Variants in MAPT observed in about 807,000 individuals in gnomAD.
MAPT encodes microtubule associated protein tau, also known as microtubule-associated protein tau.
A neutral mutation model predicts 67.9 loss-of-function variants in MAPT; 34 were observed. That is an observed-to-expected ratio of 0.50 (90% CI 0.38 to 0.67). The LOEUF (loss-of-function observed/expected upper bound fraction) is 0.67. MAPT is among the 30% of genes least tolerant of loss of function. The pLI is 0.00. For missense variants in MAPT, 881 were observed against 1,115.2 expected (o/e 0.79, Z 2.99); for synonymous variants, 456 against 464.5 (o/e 0.98, Z 0.23).
chr17:45,965,690 G>A (rs867766717), intron 2 of MAPT, among the ~76,000 whole-genome samples: 2 of 151,250 alleles, frequency 1.3e-5, no homozygotes, highest in African/African-American at 2.4e-5. Context: ...TGCTGGGATT[G>A]CAGGCATGAG....
chr17:45,978,480 G>C (rs186666934), intron 4 of MAPT, 40 bp downstream of exon 4: 41 of 1,528,140 alleles, frequency 2.7e-5, no homozygotes, highest in South Asian at 1.7e-4. Context: ...TTGGGGGTTG[G>C]GGGGAGGGAC....
chr17:45,957,738 A>G (rs549075725), intron 1 of MAPT, among the ~76,000 whole-genome samples: 1 of 152,234 alleles, frequency 6.6e-6, no homozygotes, highest in Non-Finnish European at 1.5e-5. Context: ...AAAAAAATGG[A>G]AAAACATACT....
intron 1 of MAPT, chr17:45,907,842 G>A (rs2064434172): frequency 6.6e-6 from 1 of 152,320 alleles, no homozygotes; most frequent in South Asian, 2.1e-4. Context: ...CCGAGGTGGG[G>A]ATTATTATCC....
chr17:45,920,225 C>T (rs969207619), intron 1 of MAPT, among the ~76,000 whole-genome samples: 1 of 152,170 alleles, frequency 6.6e-6, no homozygotes, highest in African/African-American at 2.4e-5. Context: ...TGGTTTCCCC[C>T]GAGCCCTCTG....
intron 1 of MAPT, among the ~76,000 whole-genome samples, chr17:45,935,353 G>A (rs915001669): frequency 5.9e-5 from 9 of 151,776 alleles, no homozygotes; most frequent in Non-Finnish European, 8.8e-5. Flanking sequence ...TGGCCTCTTC[G>A]CAGCTTCATT....
Position 45,896,781 on chromosome 17 carries a change from C to T in MAPT, c.-18+2095C>T, listed in dbSNP as rs3785878. 32,231 of 152,330 alleles carry T rather than the reference C, an allele frequency of 0.21. 3,636 individuals carry two copies. The highest frequency in any genetic ancestry group is 0.33 in the South Asian group (1,606 of 4,836). 9.4% of individuals were successfully genotyped at this position (152,330 alleles called of 1,614,324 possible). ...TTATTTATCTTAAATAAATTTCACC[C>T]GTGTCCAAGTTCACCGCGCCCCCAA... On this transcript the variant is annotated intron_variant, in intron 1 of 12. Transcript: ENST00000262410. The surrounding 1 kb of genome is among the most constrained non-coding windows in gnomAD (Gnocchi z 5.6).
intron 1 of MAPT, among the ~76,000 whole-genome samples, chr17:45,918,602 A>G (rs1451659681): frequency 6.6e-6 from 1 of 152,236 alleles, no homozygotes. Context: ...TGTGTGAAGC[A>G]AAGGGGAAAC....
At position 45,971,387 on chromosome 17, in the gene MAPT, T is replaced by C. The variant is rs993466122; in HGVS notation, c.134-472T>C. Among the ~76,000 whole-genome samples, 1 of 152,228 alleles carries C rather than the reference T, an allele frequency of 6.6e-6. No individual in the cohort carries two copies. The highest frequency in any genetic ancestry group is 6.5e-5 in the Admixed American group (1 of 15,278). On this transcript the variant is annotated intron_variant, in intron 2 of 12. Transcript: ENST00000262410. The surrounding 1 kb of genome is among the most constrained non-coding windows in gnomAD (Gnocchi z 4.3). Reference sequence around the variant, plus strand: ...CGTCCAAACACCACCCAATGTCCACTTAGAAGTAAGCACCGTGTCTGCCCT... The same window carrying C: ...CGTCCAAACACCACCCAATGTCCACCTAGAAGTAAGCACCGTGTCTGCCCT...
In MAPT at chr17:45,915,324, AGTGT is replaced by A. The variant is rs200698446; in HGVS notation, c.-18+20646_-18+20649del. Among the ~76,000 whole-genome samples, 6 of 140,114 alleles carry A rather than the reference AGTGT, an allele frequency of 4.3e-5. No homozygotes were observed. Among genetic ancestry groups the A allele is most frequent in the African/African-American group, 1.3e-4 (5 of 37,164 alleles). 91.9% of individuals were successfully genotyped at this position (140,114 alleles called of 152,430 possible). On this transcript the variant is annotated intron_variant, in intron 1 of 12. Transcript: ENST00000262410. This position sits in a 1 kb window ranked among gnomAD's most constrained non-coding sequence, Gnocchi z 4.4. ...TGAGCGTGTGTGAGTCTGTGTGTGT[AGTGT>A]GTGTGTGAAGTATGTGGTGTGTATG...
At chr17:45,963,031 G>A (rs553939795) in intron 2 of MAPT, among the ~76,000 whole-genome samples, 44 of 152,262 alleles carry the variant, frequency 2.9e-4, no homozygotes, top group Non-Finnish European at 5.3e-4. Context: ...CAAATACAGG[G>A]TACTTTTTGA....
intron 1 of MAPT, among the ~76,000 whole-genome samples, chr17:45,942,042 T>C (rs2068048714): frequency 6.6e-6 from 1 of 152,130 alleles, no homozygotes; most frequent in South Asian, 2.1e-4. Context: ...GAGAACATAT[T>C]ATTGCCTTTC....
chr17:46,012,370 C>T (rs1365995468), intron 10 of MAPT, among the ~76,000 whole-genome samples: 1 of 152,184 alleles, frequency 6.6e-6, no homozygotes, highest in Non-Finnish European at 1.5e-5. Context: ...CGTCTGCGGG[C>T]TAGCCTGTGT....
chr17:46,003,428 A>G (rs1286948425), intron 9 of MAPT, among the ~76,000 whole-genome samples: 3 of 151,958 alleles, frequency 2.0e-5, no homozygotes, highest in Non-Finnish European at 4.4e-5. Context: ...ACAAGCACAC[A>G]CCACCATGCC....
At chr17:46,000,256 G>T (rs2074886160) in intron 9 of MAPT, among the ~76,000 whole-genome samples, 3 of 152,308 alleles carry the variant, frequency 2.0e-5, no homozygotes, top group African/African-American at 7.2e-5. Flanking sequence ...GGGAAAAACG[G>T]AAAACGTCTG....
At chr17:45,956,085 C>T (rs557602258) in intron 1 of MAPT, among the ~76,000 whole-genome samples, 27 of 152,298 alleles carry the variant, frequency 1.8e-4, no homozygotes, top group South Asian at 1.0e-3. Context: ...ACGGCTGAGA[C>T]GCATTTTAAG....
chr17:45,919,913 AAAACAAAC>A (rs901129137), intron 1 of MAPT, among the ~76,000 whole-genome samples: 1 of 152,160 alleles, frequency 6.6e-6, no homozygotes, highest in Non-Finnish European at 1.5e-5. Flanking sequence ...ATCCTGTCTC[AAAACAAAC>A]AAACAAACAA....
chr17:45,939,753 A>C (rs1211274518), intron 1 of MAPT, among the ~76,000 whole-genome samples: 1 of 152,166 alleles, frequency 6.6e-6, no homozygotes, highest in African/African-American at 2.4e-5. Context: ...GGACCAAGTC[A>C]CAGAGCAGGA....
At chr17:45,960,841 CAAAA>C (rs58287898) in intron 1 of MAPT, among the ~76,000 whole-genome samples, 116 of 142,432 alleles carry the variant, frequency 8.1e-4, no homozygotes, top group Non-Finnish European at 9.1e-4. Flanking sequence ...TCACAGGGGC[CAAAA>C]AAAAAAAAAA....
chr17:45,922,073 G>A (rs2065788340), intron 1 of MAPT, among the ~76,000 whole-genome samples: 1 of 151,832 alleles, frequency 6.6e-6, no homozygotes. Flanking sequence ...AAGCTGGAGT[G>A]CCGTGGAGCG....
Sources: gnomAD v4.1 joint callset for allele counts (sites outside exome capture counted in the v4.1 genomes callset) on GRCh38, gnomAD v4.1.1 for gene constraint, Gnocchi (gnomAD v3.1) non-coding constraint, MANE v1.5 for transcripts, NCBI Gene and HGNC (gene_info 2026-07-23, HGNC 2026-07-21) for gene names.